The following EBF1 variants were observed in gnomAD, a reference collection of about 807,000 sequenced individuals.
The protein encoded by EBF1 is transcription factor COE1.
In EBF1, 10 loss-of-function variants were observed where a neutral mutation model predicts 68.4. That is an observed-to-expected ratio of 0.15 (90% CI 0.09 to 0.25). The LOEUF (loss-of-function observed/expected upper bound fraction) is 0.25. EBF1 is among the 10% of genes least tolerant of loss of function. The pLI, the probability that EBF1 is intolerant of heterozygous loss-of-function variation, is 1.00. For missense variants in EBF1, 509 were observed against 794.4 expected (o/e 0.64, Z 4.32); for synonymous variants, 298 against 299.8 (o/e 0.99, Z 0.06).
At chr5:159,077,877 T>G (rs976272889) in intron 5 of EBF1, among the ~76,000 whole-genome samples, 1 of 150,062 alleles carries the variant, frequency 6.7e-6, no homozygotes, top group African/African-American at 2.5e-5. Context: ...TAGTTGGGAC[T>G]ACAGGCAGAT....
intron 6 of EBF1, among the ~76,000 whole-genome samples, chr5:158,858,761 G>T (rs1386758868): frequency 2.0e-5 from 3 of 152,116 alleles, no homozygotes; most frequent in Non-Finnish European, 4.4e-5. Flanking sequence ...TCACATCAAG[G>T]CAGCCTGCTC....
intron 6 of EBF1, among the ~76,000 whole-genome samples, chr5:158,968,918 A>G (rs1754731247): frequency 6.6e-6 from 1 of 152,232 alleles, no homozygotes; most frequent in Non-Finnish European, 1.5e-5. Context: ...CAGAAAAAGT[A>G]AGAAAAAAAG....
At chr5:158,824,249 C>T (rs1304367785) in intron 7 of EBF1, among the ~76,000 whole-genome samples, 1 of 152,204 alleles carries the variant, frequency 6.6e-6, no homozygotes, top group African/African-American at 2.4e-5. Flanking sequence ...AGCCCGCTCC[C>T]GTTTAATCCA....
intron 6 of EBF1, among the ~76,000 whole-genome samples, chr5:158,899,932 T>C (rs572618092): frequency 6.6e-6 from 1 of 152,246 alleles, no homozygotes; most frequent in African/African-American, 2.4e-5. Context: ...GGATTGCTCA[T>C]CGCCCTCCCA....
intron 11 of EBF1, among the ~76,000 whole-genome samples, chr5:158,728,787 A>G (rs536390245): frequency 6.6e-6 from 1 of 152,202 alleles, no homozygotes; most frequent in East Asian, 1.9e-4. Context: ...CTAGTATCCA[A>G]TTCCTGGCCT....
intron 6 of EBF1, among the ~76,000 whole-genome samples, chr5:159,004,433 G>T (rs896758053): frequency 6.6e-6 from 1 of 152,056 alleles, no homozygotes; most frequent in Admixed American, 6.6e-5. Context: ...CTATCTTAAG[G>T]TTCAACAGCT....
rs1223284396 is a variant in EBF1 at position 158,929,908 on chromosome 5, C to CT, written c.555-89799dup. On this transcript the variant is annotated intron_variant, in intron 6 of 15. Transcript: ENST00000313708. ...TCACTAGAAAATGCACCCCCTACAC[C>CT]TTTTTTGTTGTTTGTTCAATTCCCT... is the stretch of plus-strand genomic sequence containing the variant. Among the ~76,000 whole-genome samples the CT allele has an allele frequency of 7.2e-5, 11 of 152,286 alleles. No individual in the cohort carries two copies. In the East Asian group the frequency reaches 2.1e-3, roughly 29 times the overall value.
At chr5:159,054,542 G>T (rs1349141192) in intron 6 of EBF1, among the ~76,000 whole-genome samples, 1 of 152,076 alleles carries the variant, frequency 6.6e-6, no homozygotes. Context: ...TCAAGCTTAA[G>T]GAATATATAC....
chr5:158,765,140 G>C (rs2127632187), intron 10 of EBF1, among the ~76,000 whole-genome samples: 1 of 152,040 alleles, frequency 6.6e-6, no homozygotes, highest in African/African-American at 2.4e-5. Context: ...TTTTTGCTTT[G>C]ATGCTAGTAA....
At chr5:159,003,414 G>A (rs1490831058) in intron 6 of EBF1, among the ~76,000 whole-genome samples, 1 of 150,988 alleles carries the variant, frequency 6.6e-6, no homozygotes, top group Non-Finnish European at 1.5e-5. Context: ...GTTGAATTGT[G>A]AAGTATTTTG....
At chr5:159,046,596 G>A (rs1184046629) in intron 6 of EBF1, among the ~76,000 whole-genome samples, 1 of 152,202 alleles carries the variant, frequency 6.6e-6, no homozygotes, top group Non-Finnish European at 1.5e-5. Flanking sequence ...CTACTAGTGA[G>A]CGTCTTTCTT....
At chr5:158,950,780 ATCCTT>A (rs1815792379) in intron 6 of EBF1, among the ~76,000 whole-genome samples, 1 of 152,178 alleles carries the variant, frequency 6.6e-6, no homozygotes. Flanking sequence ...TCCAAAAGTC[ATCCTT>A]CCCTGTTCAC....
chr5:158,889,982 G>T (rs1038253060), intron 6 of EBF1, among the ~76,000 whole-genome samples: 2 of 152,148 alleles, frequency 1.3e-5, no homozygotes, highest in Non-Finnish European at 2.9e-5. Context: ...ATATGCCTAG[G>T]TTATATGCAA....
chr5:159,061,784 C>T (rs1486684891), intron 6 of EBF1, among the ~76,000 whole-genome samples: 1 of 151,622 alleles, frequency 6.6e-6, no homozygotes, highest in African/African-American at 2.4e-5. Flanking sequence ...AGGAATCTAA[C>T]TGGACTCTTC....
intron 6 of EBF1, among the ~76,000 whole-genome samples, chr5:159,047,482 AG>A (rs1276947442): frequency 6.6e-6 from 1 of 152,138 alleles, no homozygotes; most frequent in African/African-American, 2.4e-5. Context: ...GGTGGCGCAA[AG>A]GGGACAGAGC....
chr5:159,080,331 C>A (rs1161532425), intron 5 of EBF1, among the ~76,000 whole-genome samples: 1 of 152,166 alleles, frequency 6.6e-6, no homozygotes, highest in Non-Finnish European at 1.5e-5. Flanking sequence ...CACATTCAAC[C>A]CTTTCTAGAG....
Position 158,842,075 on chromosome 5 carries a change from C to T in EBF1, c.555-1965G>A, listed in dbSNP as rs549513471. Among the ~76,000 whole-genome samples the T allele has an allele frequency of 8.5e-5, 13 of 152,304 alleles. 1 individual carries two copies. In the East Asian group the frequency reaches 1.5e-3, roughly 18 times the overall value. On this transcript the variant is annotated intron_variant, in intron 6 of 15. Coordinates refer to ENST00000313708, the MANE Select transcript of EBF1 (RefSeq NM_024007.5). The stretch of plus-strand genomic sequence containing the variant: ...AATCTGATTTTGAGCTCTCCTTTTC[C>T]GGTACCAAGACCCACACTGTCCTTG...
chr5:159,098,602 G>C (rs951701318), intron 1 of EBF1, among the ~76,000 whole-genome samples: 20 of 151,942 alleles, frequency 1.3e-4, no homozygotes, highest in African/African-American at 4.1e-4. Context: ...AAAGAAAATG[G>C]AGAGAGGAAG....
rs887589618 is a variant in EBF1 at position 158,714,079 on chromosome 5, G to T, written c.1191+38C>A. On this transcript the variant is annotated intron_variant, in intron 12 of 15. Transcript: ENST00000313708. ...AGGAATCTGAGATCTTTAATTGCATGTGGCAGTCCACACAGGCTAGACACC... is the reference window on the plus strand; with the variant it reads ...AGGAATCTGAGATCTTTAATTGCATTTGGCAGTCCACACAGGCTAGACACC... The T allele has an allele frequency of 8.7e-6, 14 of 1,605,570 alleles. No individual in the cohort carries two copies. The African/African-American group carries it at 1.6e-4, about 18-fold the overall frequency.
Sources: allele counts gnomAD v4.1 joint callset (sites outside exome capture counted in the v4.1 genomes callset), GRCh38; gene constraint gnomAD v4.1.1; transcripts MANE v1.5; gene names NCBI Gene and HGNC (gene_info 2026-07-23, HGNC 2026-07-21).